Variants in ADAMTS20 observed in about 807,000 individuals in gnomAD.
ADAMTS20 encodes the protein ADAM metallopeptidase with thrombospondin type 1 motif 20, also known as A disintegrin and metalloproteinase with thrombospondin motifs 20.
ADAMTS20 carries 225 observed loss-of-function variants against 260.1 expected under a neutral mutation model. The observed-to-expected ratio is 0.87, with a 90% CI of 0.78 to 0.97. The LOEUF is 0.97. ADAMTS20 is among the 50% of genes least tolerant of loss of function. ADAMTS20 has a pLI of 0.00. For missense variants in ADAMTS20, 2,400 were observed against 2,337.7 expected, an observed-to-expected ratio of 1.03 and a Z score of -0.55; for synonymous variants, 802 against 769.5, an observed-to-expected ratio of 1.04 and a Z score of -0.70.
At chr12:43,439,171 A>G (rs1282460837) in intron 18 of ADAMTS20, among the ~76,000 whole-genome samples, 1 of 152,112 alleles carries the variant, frequency 6.6e-6, no homozygotes, top group Admixed American at 6.5e-5. Flanking sequence ...TGCCATCTAT[A>G]CAATTATACT....
intron 16 of ADAMTS20, among the ~76,000 whole-genome samples, chr12:43,442,000 G>A (rs191539641): frequency 6.6e-5 from 10 of 152,154 alleles, no homozygotes; most frequent in African/African-American, 2.2e-4. Flanking sequence ...AAGAATCTGC[G>A]CTTTATCAAA....
chr12:43,383,287 T>A (rs1940394092), intron 31 of ADAMTS20, among the ~76,000 whole-genome samples: 1 of 152,224 alleles, frequency 6.6e-6, no homozygotes, highest in Non-Finnish European at 1.5e-5. Flanking sequence ...AGTGGACAAC[T>A]GTACGGTGCC....
downstream of ADAMTS20, among the ~76,000 whole-genome samples, chr12:43,353,586 T>A (rs952720753): frequency 9.9e-5 from 15 of 152,050 alleles, no homozygotes; most frequent in African/African-American, 3.6e-4. Context: ...ACCTTTTTAA[T>A]ACACAATTTG....
chr12:43,442,153 C>A (rs1345235709), intron 16 of ADAMTS20, among the ~76,000 whole-genome samples: 1 of 152,094 alleles, frequency 6.6e-6, no homozygotes, highest in East Asian at 1.9e-4. Flanking sequence ...TTAAAAATTC[C>A]TTCTATTGAC....
intron 7 of ADAMTS20, among the ~76,000 whole-genome samples, chr12:43,477,084 A>G: frequency 6.6e-6 from 1 of 151,620 alleles, no homozygotes; most frequent in Non-Finnish European, 1.5e-5. Flanking sequence ...TACCTTAACT[A>G]TCATTATAAT....
chr12:43,373,871 G>A lies in ADAMTS20; in HGVS notation c.5446+1508C>T, dbSNP rs544424234. 3.4e-4 allele frequency among the ~76,000 whole-genome samples: 52 copies of A among 151,274 alleles called. No homozygotes were observed. In the East Asian group the frequency reaches 0.01, roughly 30 times the overall value. On this transcript the variant is annotated intron_variant, in intron 36 of 38. Transcript: ENST00000389420. Reference sequence around the variant, plus strand: ...ATTTTTTGTATTTTTAGTAGAGACGGGGTTTCACCGTTTTAGCCGGGATGG... The same window carrying A: ...ATTTTTTGTATTTTTAGTAGAGACGAGGTTTCACCGTTTTAGCCGGGATGG...
chr12:43,492,304 C>T (rs1334094633), intron 6 of ADAMTS20, among the ~76,000 whole-genome samples: 1 of 151,506 alleles, frequency 6.6e-6, no homozygotes, highest in Non-Finnish European at 1.5e-5. Flanking sequence ...GGCGTGAACC[C>T]AGGAGGCGGA....
intron 16 of ADAMTS20, 27 bp downstream of exon 16, chr12:43,443,764 T>G: frequency 6.4e-7 from 1 of 1,572,918 alleles, no homozygotes. Flanking sequence ...AGCCACATAC[T>G]GGCTGTTGTT....
intron 3 of ADAMTS20, among the ~76,000 whole-genome samples, chr12:43,503,229 C>T (rs971639852): frequency 2.6e-5 from 4 of 151,974 alleles, no homozygotes; most frequent in African/African-American, 7.2e-5. Context: ...TTACTTCTTC[C>T]TTTTTTCTTG....
chr12:43,493,282 T>C, intron 4 of ADAMTS20, 29 bp from the exon 5 acceptor site: 1 of 1,429,388 alleles, frequency 7.0e-7, no homozygotes, highest in Non-Finnish European at 9.6e-7. Context: ...TAGGATTAGT[T>C]GTTTAAAATG....
intron 28 of ADAMTS20, among the ~76,000 whole-genome samples, chr12:43,415,719 C>T (rs1941118083): frequency 6.6e-6 from 1 of 152,036 alleles, no homozygotes; most frequent in African/African-American, 2.4e-5. Flanking sequence ...ATTCTAATAC[C>T]ACAGCTCTTA....
chr12:43,502,211 T>TA lies in ADAMTS20; in HGVS notation c.807dup (p.Lys270Ter). On this transcript the variant is annotated frameshift_variant, in exon 4 of 39. Coordinates refer to ENST00000389420, the MANE Select transcript of ADAMTS20 (RefSeq NM_025003.5). LOFTEE classifies it high-confidence loss of function. ...TTCGATCCATGAGCAGAAACCACTTTAGCATCAGCTGTAACCATAATTTCA... is the reference window on the plus strand; with the variant it reads ...TTCGATCCATGAGCAGAAACCACTTTAAGCATCAGCTGTAACCATAATTTCA... 1 of 1,610,888 alleles carries TA rather than the reference T, an allele frequency of 6.2e-7. No individual in the cohort carries two copies. Among genetic ancestry groups the TA allele is most frequent in the Non-Finnish European group, 8.5e-7 (1 of 1,178,760 alleles).
Position 43,387,669 on chromosome 12 carries a change from T to C in ADAMTS20, c.4453-3692A>G, listed in dbSNP as rs574780249. On this transcript the variant is annotated intron_variant, in intron 29 of 38. Transcript: ENST00000389420. The stretch of plus-strand genomic sequence containing the variant: ...CTCCTGAATGGGGCTGCTATCTTTC[T>C]TTCAGAGATACCCTACCCAGAGCAG... Among the ~76,000 whole-genome samples, 4 of 152,326 alleles carry C rather than the reference T, an allele frequency of 2.6e-5. No individual in the cohort carries two copies. The South Asian group carries it at 8.3e-4, about 32-fold the overall frequency.
At chr12:43,521,300 T>A (rs1943068659) in intron 3 of ADAMTS20, among the ~76,000 whole-genome samples, 1 of 152,150 alleles carries the variant, frequency 6.6e-6, no homozygotes, top group African/African-American at 2.4e-5. Flanking sequence ...ACCCTGGACT[T>A]CCTCCAGACC....
intron 36 of ADAMTS20, 150 bp from the exon 37 acceptor site, chr12:43,369,531 T>C (rs1423056693): frequency 3.3e-6 from 1 of 304,960 alleles, no homozygotes; most frequent in Non-Finnish European, 5.8e-6. Flanking sequence ...AATTCTGGTA[T>C]ATATCATAGA....
intron 2 of ADAMTS20, among the ~76,000 whole-genome samples, chr12:43,550,433 C>T (rs1342074081): frequency 6.6e-6 from 1 of 152,200 alleles, no homozygotes; most frequent in Non-Finnish European, 1.5e-5. Context: ...ACAAAATGAA[C>T]TTTTCCTATT....
intron 18 of ADAMTS20, among the ~76,000 whole-genome samples, chr12:43,438,672 C>T (rs1249386486): frequency 1.3e-5 from 2 of 152,126 alleles, no homozygotes; most frequent in Admixed American, 6.5e-5. Flanking sequence ...CTTTGGTCAC[C>T]GCCTCTTGCT....
chr12:43,441,975 G>A (rs187108363), intron 16 of ADAMTS20, among the ~76,000 whole-genome samples: 23 of 152,244 alleles, frequency 1.5e-4, no homozygotes, highest in Non-Finnish European at 2.4e-4. Context: ...CTATGACATA[G>A]ACATTCCTCT....
At chr12:43,538,559 T>G (rs754717825) in intron 2 of ADAMTS20, among the ~76,000 whole-genome samples, 1 of 152,236 alleles carries the variant, frequency 6.6e-6, no homozygotes, top group Non-Finnish European at 1.5e-5. Flanking sequence ...TGGTTGCCTG[T>G]GCTTGTGGGG....
Sources: allele counts gnomAD v4.1 joint callset (sites outside exome capture counted in the v4.1 genomes callset), GRCh38; gene constraint gnomAD v4.1.1; transcripts MANE v1.5; gene names NCBI Gene and HGNC (gene_info 2026-07-23, HGNC 2026-07-21).